Variants in ADGRB3 observed in about 807,000 individuals in gnomAD.
The protein encoded by ADGRB3 is adhesion G protein-coupled receptor B3.
In ADGRB3, 37 loss-of-function variants were observed where a neutral mutation model predicts 193.4. The observed-to-expected ratio is 0.19, with a 90% CI of 0.15 to 0.25. ADGRB3 has a LOEUF of 0.25. ADGRB3 is among the 10% of genes least tolerant of loss of function. The pLI, the probability that ADGRB3 is intolerant of heterozygous loss-of-function variation, is 1.00. For missense variants in ADGRB3, 1,637 were observed against 1,852.9 expected (o/e 0.88, Z 2.14); for synonymous variants, 690 against 644.2 (o/e 1.07, Z -1.08).
chr6:69,093,218 A>G (rs1772767010), intron 17 of ADGRB3, among the ~76,000 whole-genome samples: 1 of 146,664 alleles, frequency 6.8e-6, no homozygotes. Flanking sequence ...AGGCTAAGGG[A>G]GAGAGAGGTG....
chr6:69,333,180 C>T (rs1029488249), intron 24 of ADGRB3, among the ~76,000 whole-genome samples, 172 bp downstream of exon 24: 1 of 152,120 alleles, frequency 6.6e-6, no homozygotes, highest in Non-Finnish European at 1.5e-5. Flanking sequence ...TTAAGCAATA[C>T]GACCAAAAAT....
intron 3 of ADGRB3, among the ~76,000 whole-genome samples, chr6:68,706,039 C>T (rs529118872): frequency 6.6e-6 from 1 of 152,110 alleles, no homozygotes; most frequent in African/African-American, 2.4e-5. Context: ...GGGGCATTCT[C>T]TCTAAACTGA....
chr6:69,040,837 C>T (rs1771044806), intron 13 of ADGRB3, among the ~76,000 whole-genome samples: 1 of 151,520 alleles, frequency 6.6e-6, no homozygotes. Context: ...TAAAAACTAA[C>T]AAGTTCAAAA....
At chr6:68,860,126 G>C (rs968220747) in intron 3 of ADGRB3, among the ~76,000 whole-genome samples, 5 of 151,992 alleles carry the variant, frequency 3.3e-5, no homozygotes, top group Non-Finnish European at 7.4e-5. Context: ...TTCTGTATCT[G>C]CTTCTGTATT....
intron 26 of ADGRB3, among the ~76,000 whole-genome samples, chr6:69,349,700 A>G (rs960283769): frequency 5.3e-5 from 8 of 151,958 alleles, no homozygotes; most frequent in African/African-American, 1.9e-4. Context: ...CACATAAGAA[A>G]CTCTTCTCCC....
intron 17 of ADGRB3, among the ~76,000 whole-genome samples, chr6:69,210,002 A>T (rs1370881291): frequency 6.6e-6 from 1 of 151,142 alleles, no homozygotes; most frequent in East Asian, 1.9e-4. Context: ...CCAATGAAAG[A>T]ACTCCATCCT....
At chr6:68,718,239 A>C (rs1765518359) in intron 3 of ADGRB3, among the ~76,000 whole-genome samples, 1 of 151,742 alleles carries the variant, frequency 6.6e-6, no homozygotes, top group African/African-American at 2.4e-5. Context: ...GAGTCATAAC[A>C]ATGTTTGCTC....
chr6:69,076,593 T>A lies in ADGRB3; in HGVS notation c.2480+555T>A, dbSNP rs989376595. On this transcript the variant is annotated intron_variant, in intron 17 of 31. Transcript: ENST00000370598. ...GTATGAGTAATTCTTCCATGTTATT[T>A]TTTTGTTTGTAGAAGTAATTGCAAT... Among the ~76,000 whole-genome samples the A allele has an allele frequency of 4.6e-5, 7 of 152,086 alleles. No individual in the cohort carries two copies. In the East Asian group the frequency reaches 1.2e-3, roughly 25 times the overall value.
chr6:69,124,370 A>G (rs2150331458), intron 17 of ADGRB3, among the ~76,000 whole-genome samples: 1 of 152,140 alleles, frequency 6.6e-6, no homozygotes, highest in Admixed American at 6.5e-5. Flanking sequence ...TTAATTTTAT[A>G]ATTTCTACAT....
chr6:69,004,811 G>C (rs375994192), intron 11 of ADGRB3, among the ~76,000 whole-genome samples: 9 of 152,224 alleles, frequency 5.9e-5, no homozygotes, highest in African/African-American at 1.7e-4. Context: ...GGGTTGGGGG[G>C]TGCTGAGATA....
intron 3 of ADGRB3, among the ~76,000 whole-genome samples, chr6:68,723,537 G>A (rs1365702132): frequency 2.0e-5 from 3 of 151,682 alleles, no homozygotes; most frequent in Non-Finnish European, 4.4e-5. Flanking sequence ...AAAAAATTGT[G>A]TTAATTACAT....
intron 3 of ADGRB3, among the ~76,000 whole-genome samples, chr6:68,786,446 C>G (rs2127363918): frequency 6.6e-6 from 1 of 152,222 alleles, no homozygotes; most frequent in South Asian, 2.1e-4. Flanking sequence ...TCAGGTTTGT[C>G]AAAGATCAGA....
At chr6:69,220,420 G>GT (rs900958711) in intron 17 of ADGRB3, among the ~76,000 whole-genome samples, 6 of 152,122 alleles carry the variant, frequency 3.9e-5, no homozygotes, top group Non-Finnish European at 7.4e-5. Context: ...GATTATGACT[G>GT]TTATGCGTAC....
chr6:68,951,604 G>A (rs77176615), intron 6 of ADGRB3, among the ~76,000 whole-genome samples: 2,654 of 152,210 alleles, frequency 0.017, 92 homozygotes, highest in African/African-American at 0.061. Context: ...TGTGTGTTAC[G>A]AGACTCCAGG....
chr6:69,259,695 CAAAAAA>C (rs397887907), intron 20 of ADGRB3, among the ~76,000 whole-genome samples: 37 of 76,160 alleles, frequency 4.9e-4, no homozygotes, highest in African/African-American at 1.7e-3. Context: ...GACTCTGTCT[CAAAAAA>C]AAAAAAAAAA....
chr6:69,359,487 GA>G (rs948229994), intron 28 of ADGRB3, among the ~76,000 whole-genome samples: 3 of 105,506 alleles, frequency 2.8e-5, no homozygotes, highest in Admixed American at 1.8e-4. Context: ...TACTGCCTAA[GA>G]TAAAGAGACA....
At chr6:68,830,993 T>C (rs1278042280) in intron 3 of ADGRB3, among the ~76,000 whole-genome samples, 2 of 149,708 alleles carry the variant, frequency 1.3e-5, no homozygotes, top group Admixed American at 1.3e-4. Flanking sequence ...CAAATGGGTA[T>C]AACGTGATCT....
chr6:69,273,917 AAAAAC>A (rs921648099), intron 20 of ADGRB3, among the ~76,000 whole-genome samples: 20 of 152,212 alleles, frequency 1.3e-4, no homozygotes, highest in African/African-American at 4.8e-4. Flanking sequence ...GTAGTTAGAA[AAAAAC>A]AAAACAAAAC....
At chr6:68,753,876 T>C in intron 3 of ADGRB3, among the ~76,000 whole-genome samples, 1 of 152,154 alleles carries the variant, frequency 6.6e-6, no homozygotes, top group South Asian at 2.1e-4. Flanking sequence ...TCTAGACTAT[T>C]GATATGCAAT....
Sources: gnomAD v4.1 joint callset for allele counts (sites outside exome capture counted in the v4.1 genomes callset) on GRCh38, gnomAD v4.1.1 for gene constraint, MANE v1.5 for transcripts, NCBI Gene and HGNC (gene_info 2026-07-23, HGNC 2026-07-21) for gene names.